Variants in PALB2 observed in about 807,000 individuals in gnomAD.
PALB2 encodes the protein partner and localizer of BRCA2, also known as mutant partner and localizer of BRCA2.
PALB2 carries 82 observed loss-of-function variants against 107.4 expected under a neutral mutation model. The ratio of observed to expected loss-of-function variants is 0.76; its 90% CI spans 0.64 to 0.92. The LOEUF (loss-of-function observed/expected upper bound fraction) is 0.92. Among genes scored for constraint, PALB2 ranks in the 40% least tolerant of loss-of-function variants. The probability of loss-of-function intolerance (pLI) is 0.00; values close to 1 mark genes in which losing one functional copy is unlikely to be tolerated. For missense variants in PALB2, 1,374 were observed against 1,379.9 expected (o/e 1.00, Z 0.07); for synonymous variants, 489 against 496.8 (o/e 0.98, Z 0.21).
chr16:23,637,713 ATAAAAT>A lies in PALB2; in HGVS notation c.211+131_211+136del, dbSNP rs1196648246. 92 of 726,102 alleles carry A rather than the reference ATAAAAT, an allele frequency of 1.3e-4. 1 individual carries two copies. The highest frequency in any genetic ancestry group is 1.3e-4 in the Non-Finnish European group (58 of 435,074). The allele number at this position is 726,102 out of a possible 1,614,324, so 45.0% of individuals were successfully genotyped here. On this transcript the variant is annotated intron_variant, in intron 3 of 12. Coordinates refer to ENST00000261584, the MANE Select transcript of PALB2 (RefSeq NM_024675.4). ...AAGAGTGAGACTCTGTCTCAAAAAA[ATAAAAT>A]TAAAATTAAAATTAAAATTAAAGCG... is the stretch of plus-strand genomic sequence containing the variant.
chr16:23,608,823 C>G, intron 11 of PALB2, among the ~76,000 whole-genome samples: 1 of 148,278 alleles, frequency 6.7e-6, no homozygotes, highest in East Asian at 2.0e-4. Flanking sequence ...CACACACACA[C>G]ATATATACAG....
rs876660773 is a variant in PALB2 at position 23,636,216 on chromosome 16, T to C, written c.330A>G (p.Gly110=). Residue 110 remains glycine (G), a synonymous_variant, in exon 4 of 13, where the codon GGA becomes GGG. Transcript: ENST00000261584. ...LDVGPESFNP[G]DGPGGLPIQR... is the part of the protein sequence containing the mutation. Reference sequence around the variant, plus strand: ...GTATAGGTAATCCTCCTGGGCCATCTCCAGGGTTAAAGGACTCAGGCCCAA... The same window carrying C: ...GTATAGGTAATCCTCCTGGGCCATCCCCAGGGTTAAAGGACTCAGGCCCAA... 7 of 1,613,114 alleles carry C rather than the reference T, an allele frequency of 4.3e-6. No individual in the cohort carries two copies. Among genetic ancestry groups the C allele is most frequent in the Non-Finnish European group, 5.9e-6 (7 of 1,179,890 alleles).
At chr16:23,613,826 C>T (rs893433079) in intron 11 of PALB2, among the ~76,000 whole-genome samples, 178 bp downstream of exon 11, 1 of 152,076 alleles carries the variant, frequency 6.6e-6, no homozygotes, top group African/African-American at 2.4e-5. Flanking sequence ...ATTTACCAAG[C>T]AATCACTGTA....
At chr16:23,640,839 G>T in intron 1 of PALB2, 1 of 409,428 alleles carries the variant, frequency 2.4e-6, no homozygotes, top group Non-Finnish European at 4.4e-6. Flanking sequence ...TGGGAGGGGG[G>T]AGGAGCAAGG....
chr16:23,623,992 C>A lies in PALB2; in HGVS notation c.2834+17G>T, dbSNP rs1389763153. On this transcript the variant is annotated intron_variant, in intron 8 of 12. Coordinates refer to ENST00000261584, the MANE Select transcript of PALB2 (RefSeq NM_024675.4). ...AAAGATGAAGGAAAAACAAATCACT[C>A]CTTGGGAATTACATACCTGATCTCT... 2 of 1,535,446 alleles carry A rather than the reference C, an allele frequency of 1.3e-6. No individual in the cohort carries two copies. The highest frequency in any genetic ancestry group is 1.8e-6 in the Non-Finnish European group (2 of 1,108,804).
chr16:23,626,553 T>C (rs1371761060), intron 6 of PALB2, among the ~76,000 whole-genome samples, 156 bp from the exon 7 acceptor site: 2 of 152,246 alleles, frequency 1.3e-5, no homozygotes, highest in African/African-American at 4.8e-5. Context: ...GTGGTTCTTA[T>C]GTACCTAAAA....
chr16:23,628,306 T>G (rs966078709), intron 6 of PALB2, among the ~76,000 whole-genome samples: 1 of 152,168 alleles, frequency 6.6e-6, no homozygotes, highest in African/African-American at 2.4e-5. Flanking sequence ...TATGCATCCT[T>G]TATAGAAAAG....
chr16:23,630,364 A>C lies in PALB2; in HGVS notation c.1790T>G (p.Met597Arg), dbSNP rs786203214. The change falls in exon 5 of 13, where the codon ATG becomes AGG. Residue 597 changes from methionine (M) to arginine (R), a missense_variant. Met to Arg is a moderately conservative substitution (Grantham distance 91, BLOSUM62 -1). Transcript: ENST00000261584. ...AGACAGTAGTTGCTTTAAACTCAGC[A>C]TTCCATCCCTATGAAATGGAGCCGT... ...AFTAPFHRDG[M>R]LSLKQLLSFL... The C allele has an allele frequency of 6.2e-7, 1 of 1,614,164 alleles. No homozygotes were observed. Among genetic ancestry groups the C allele is most frequent in the Non-Finnish European group, 8.5e-7 (1 of 1,179,984 alleles).
At chr16:23,633,627 T>G (rs903565847) in intron 4 of PALB2, among the ~76,000 whole-genome samples, 2 of 152,210 alleles carry the variant, frequency 1.3e-5, no homozygotes, top group Non-Finnish European at 2.9e-5. Context: ...AGACACTGCA[T>G]TAGATATTTT....
intron 1 of PALB2, chr16:23,640,834 G>A (rs910871784): frequency 2.8e-5 from 11 of 399,440 alleles, no homozygotes; most frequent in Admixed American, 2.1e-4. Context: ...GGGTGTGGGA[G>A]GGGGGAGGAG....
intron 10 of PALB2, among the ~76,000 whole-genome samples, chr16:23,614,644 G>GTTT (rs1567210107): frequency 1.4e-5 from 2 of 141,084 alleles, no homozygotes; most frequent in African/African-American, 2.7e-5. Flanking sequence ...TCACTTCCCA[G>GTTT]CTTTTTTTTT....
At position 23,603,592 on chromosome 16, in the gene PALB2, AG is replaced by A. The variant is rs754973439; in HGVS notation, c.3427del (p.Leu1143PhefsTer20). Reference sequence around the variant, plus strand: ...GAGGAGGGCAGTACACTGACCGAGAAGTAAGTCCCAAATGGCAATTGTTCCA... The same window carrying A: ...GAGGAGGGCAGTACACTGACCGAGAATAAGTCCCAAATGGCAATTGTTCCA... ...TSGTIAIWDLLLGQCTALLPP... is the reference protein window; with the variant it reads ...TSGTIAIWDLXLGQCTALLPP... On this transcript the variant is annotated frameshift_variant, in exon 13 of 13. Coordinates refer to ENST00000261584, the MANE Select transcript of PALB2 (RefSeq NM_024675.4). LOFTEE classifies it high-confidence loss of function. The A allele has an allele frequency of 1.2e-6, 2 of 1,614,164 alleles. No homozygotes were observed. The highest frequency in any genetic ancestry group is 1.7e-6 in the Non-Finnish European group (2 of 1,180,026).
intron 11 of PALB2, among the ~76,000 whole-genome samples, chr16:23,613,358 T>G (rs1225640005): frequency 6.6e-6 from 1 of 152,140 alleles, no homozygotes; most frequent in Non-Finnish European, 1.5e-5. Context: ...GAGTAAAGCA[T>G]GTTAGCTGGG....
intron 6 of PALB2, among the ~76,000 whole-genome samples, chr16:23,628,198 C>T (rs1348535117): frequency 6.6e-6 from 1 of 152,184 alleles, no homozygotes; most frequent in Admixed American, 6.5e-5. Flanking sequence ...GATTGCCCCA[C>T]TGCACTCCAG....
chr16:23,624,985 G>T (rs992517461), intron 7 of PALB2, among the ~76,000 whole-genome samples: 9 of 152,150 alleles, frequency 5.9e-5, no homozygotes, highest in African/African-American at 2.2e-4. Flanking sequence ...ATCAGCAAGT[G>T]TCAAAGTCAG....
rs1597080935 is a variant in PALB2, at chr16:23,622,850, A to G, written c.2996+119T>C. ...TCATAACCTAGTGTTGATGCGGTAC[A>G]TGCTTATATTACACCCCCAGCACAG... On this transcript the variant is annotated intron_variant, in intron 9 of 12. Transcript: ENST00000261584. The G allele has an allele frequency of 6.2e-6, 7 of 1,122,520 alleles. No homozygotes were observed. The East Asian group carries it at 1.4e-4, about 23-fold the overall frequency. The allele number at this position is 1,122,520 out of a possible 1,614,324, so 69.5% of individuals were successfully genotyped here. A position where few individuals can be genotyped will look rare whatever the true frequency, so the allele number is the denominator to read the frequency against.
At chr16:23,631,050 G>C (rs1245000463) in intron 4 of PALB2, among the ~76,000 whole-genome samples, 1 of 150,278 alleles carries the variant, frequency 6.7e-6, no homozygotes, top group Non-Finnish European at 1.5e-5. Flanking sequence ...GATCACTTGA[G>C]GTCAGGAGTT....
rs1966392525 is a variant in PALB2 at position 23,603,389 on chromosome 16, T to C, written c.*70A>G. 7.9e-7 allele frequency: 1 copy of C among 1,268,940 alleles called. No individual in the cohort carries two copies. The highest frequency in any genetic ancestry group is 1.5e-5 in the African/African-American group (1 of 67,964). The allele number at this position is 1,268,940 out of a possible 1,614,324, so 78.6% of individuals were successfully genotyped here. ...AGTGTCATTCAGATATTCTCCTTTATATTTAAAACTCCAAAAAATACTAAG... is the reference window on the plus strand; with the variant it reads ...AGTGTCATTCAGATATTCTCCTTTACATTTAAAACTCCAAAAAATACTAAG... On this transcript the variant is annotated 3_prime_UTR_variant, in exon 13 of 13. Transcript: ENST00000261584.
At chr16:23,616,772 C>A (rs942791614) in intron 10 of PALB2, among the ~76,000 whole-genome samples, 2 of 152,038 alleles carry the variant, frequency 1.3e-5, no homozygotes, top group African/African-American at 4.8e-5. Flanking sequence ...AATGTTTTAA[C>A]GTGTTTCTTT....
Sources: allele counts gnomAD v4.1 joint callset (sites outside exome capture counted in the v4.1 genomes callset), GRCh38; gene constraint gnomAD v4.1.1; transcripts MANE v1.5; gene names NCBI Gene and HGNC (gene_info 2026-07-23, HGNC 2026-07-21).